Variants in RPS6KC1 observed in about 807,000 individuals in gnomAD.
The protein encoded by RPS6KC1 is ribosomal protein S6 kinase C1, also known as inactive ribosomal protein S6 kinase delta-1.
Under a neutral mutation model 103.8 loss-of-function variants are expected in RPS6KC1, and 54 were observed. The observed-to-expected ratio is 0.52, with a 90% CI of 0.42 to 0.65. The LOEUF is 0.65. RPS6KC1 is among the 30% of genes least tolerant of loss of function. The pLI is 0.00. For missense variants in RPS6KC1, 1,151 were observed against 1,253.8 expected, an observed-to-expected ratio of 0.92 and a Z score of 1.24; for synonymous variants, 439 against 438.7, an observed-to-expected ratio of 1.00 and a Z score of -0.01.
At chr1:213,568,544 G>T in the RPS6KC1 span, among the ~76,000 whole-genome samples, 15,109 of 152,264 alleles carry the variant, frequency 0.099, 982 homozygotes, top group South Asian at 0.19. Context: ...GGGACAAAGA[G>T]TCAGACCAAC....
At chr1:213,211,439 G>A (rs1399852484) in intron 8 of RPS6KC1, among the ~76,000 whole-genome samples, 1 of 152,146 alleles carries the variant, frequency 6.6e-6, no homozygotes, top group Non-Finnish European at 1.5e-5. Flanking sequence ...CCTCCTAAGT[G>A]GTTGTTTCTT....
the RPS6KC1 span, chr1:213,840,382 G>A: frequency 1.3e-5 from 2 of 152,036 alleles, no homozygotes; most frequent in Non-Finnish European, 2.9e-5. Context: ...CATTCAACAC[G>A]TATTGATTGC....
chr1:213,418,077 G>C, the RPS6KC1 span, among the ~76,000 whole-genome samples: 3 of 152,134 alleles, frequency 2.0e-5, no homozygotes, highest in Non-Finnish European at 4.4e-5. Flanking sequence ...CCCGCTCCTG[G>C]CCTTACTCTT....
At chr1:213,740,250 A>G in the RPS6KC1 span, among the ~76,000 whole-genome samples, 1 of 152,168 alleles carries the variant, frequency 6.6e-6, no homozygotes, top group Non-Finnish European at 1.5e-5. Flanking sequence ...TCTCTGAAAT[A>G]TTTTGTGATT....
chr1:213,758,100 T>C, the RPS6KC1 span, among the ~76,000 whole-genome samples: 3 of 152,376 alleles, frequency 2.0e-5, no homozygotes, highest in East Asian at 5.8e-4. Flanking sequence ...TGTTTCATGT[T>C]TGATAACACA....
the RPS6KC1 span, among the ~76,000 whole-genome samples, chr1:213,387,356 C>A: frequency 6.6e-6 from 1 of 152,366 alleles, no homozygotes; most frequent in East Asian, 1.9e-4. Context: ...TGCCTGACTT[C>A]CAATTGCCTG....
chr1:213,412,189 A>G, the RPS6KC1 span, among the ~76,000 whole-genome samples: 1 of 152,156 alleles, frequency 6.6e-6, no homozygotes, highest in African/African-American at 2.4e-5. Flanking sequence ...TTGACAGGCC[A>G]TGGTGTGGCA....
intron 8 of RPS6KC1, among the ~76,000 whole-genome samples, chr1:213,194,861 A>C (rs890883424): frequency 3.9e-5 from 6 of 152,104 alleles, no homozygotes; most frequent in Non-Finnish European, 7.4e-5. Context: ...CATTACCCCC[A>C]CTAGTCTGTG....
chr1:213,600,372 C>T, the RPS6KC1 span, among the ~76,000 whole-genome samples: 6 of 152,194 alleles, frequency 3.9e-5, no homozygotes, highest in African/African-American at 1.4e-4. Flanking sequence ...CCTCTCTACC[C>T]TTTTGCCTTC....
chr1:213,369,691 T>A, the RPS6KC1 span, among the ~76,000 whole-genome samples: 2 of 152,256 alleles, frequency 1.3e-5, no homozygotes, highest in African/African-American at 4.8e-5. Flanking sequence ...TCAAATTAAC[T>A]GGATAATTGC....
chr1:213,366,269 A>G, the RPS6KC1 span, among the ~76,000 whole-genome samples: 1 of 152,316 alleles, frequency 6.6e-6, no homozygotes, highest in East Asian at 1.9e-4. Flanking sequence ...CCTGTTCCAA[A>G]GAGCTGTGAG....
At chr1:213,186,236 A>G (rs1573102303) in intron 8 of RPS6KC1, among the ~76,000 whole-genome samples, 1 of 149,950 alleles carries the variant, frequency 6.7e-6, no homozygotes, top group East Asian at 1.9e-4. Context: ...AAATTGAAGA[A>G]CTCCCTTTAG....
At chr1:213,378,647 A>G in the RPS6KC1 span, among the ~76,000 whole-genome samples, 2 of 152,226 alleles carry the variant, frequency 1.3e-5, no homozygotes, top group Non-Finnish European at 2.9e-5. Context: ...TGATGGATAC[A>G]CATATCCATA....
the RPS6KC1 span, among the ~76,000 whole-genome samples, chr1:213,547,452 A>G: frequency 4.6e-3 from 704 of 152,334 alleles, 2 homozygotes; most frequent in Middle Eastern, 0.014. Context: ...TTGGAAAACC[A>G]TTTGACGTTA....
downstream of RPS6KC1, among the ~76,000 whole-genome samples, chr1:213,276,023 T>C (rs2095111846): frequency 1.3e-5 from 2 of 152,232 alleles, no homozygotes; most frequent in Admixed American, 1.3e-4. Context: ...TCTTCACTTA[T>C]TTCAAGGTCA....
At chr1:213,105,675 C>T (rs1032858648) in intron 4 of RPS6KC1, among the ~76,000 whole-genome samples, 1 of 152,006 alleles carries the variant, frequency 6.6e-6, no homozygotes, top group African/African-American at 2.4e-5. Flanking sequence ...GATGATTGAC[C>T]GTGTTGCTTA....
the RPS6KC1 span, among the ~76,000 whole-genome samples, chr1:213,290,649 T>G: frequency 6.6e-6 from 1 of 152,178 alleles, no homozygotes; most frequent in Non-Finnish European, 1.5e-5. Flanking sequence ...TTGTTTGTAA[T>G]TTTTTGCTGT....
At chr1:213,728,948 G>GTTTGTTTTTTTTT in the RPS6KC1 span, among the ~76,000 whole-genome samples, 1 of 91,288 alleles carries the variant, frequency 1.1e-5, no homozygotes, top group Non-Finnish European at 2.1e-5. Context: ...TTTTTTTTTT[G>GTTTGTTTTTTTTT]TTTTTTTTTT....
chr1:213,806,424 G>T, the RPS6KC1 span, among the ~76,000 whole-genome samples: 1 of 152,198 alleles, frequency 6.6e-6, no homozygotes, highest in Non-Finnish European at 1.5e-5. Context: ...CTGTCTCTTT[G>T]TAGGTCACCC....
Sources: allele counts gnomAD v4.1 joint callset (sites outside exome capture counted in the v4.1 genomes callset), GRCh38; gene constraint gnomAD v4.1.1; transcripts MANE v1.5; gene names NCBI Gene and HGNC (gene_info 2026-07-23, HGNC 2026-07-21).